The following NXN variants were observed in gnomAD, a reference collection of about 807,000 sequenced individuals.
NXN encodes nucleoredoxin.
A neutral mutation model predicts 48.6 loss-of-function variants in NXN; 16 were observed. The ratio of observed to expected loss-of-function variants is 0.33; its 90% CI spans 0.22 to 0.50. The LOEUF is 0.50. Among genes scored for constraint, NXN ranks in the 20% least tolerant of loss-of-function variants. NXN has a pLI of 0.98. For synonymous variants in NXN, 281 were observed against 269.6 expected (o/e 1.04, Z -0.41); for missense variants, 492 against 605.5 (o/e 0.81, Z 1.97).
At chr17:853,723 A>ATATATATATATATATATATATATTT (rs1491528474) in intron 1 of NXN, among the ~76,000 whole-genome samples, 5 of 105,972 alleles carry the variant, frequency 4.7e-5, no homozygotes, top group African/African-American at 1.3e-4. Flanking sequence ...ATATATATAT[A>ATATATATATATATATATATATATTT]TTTTTTTTTT....
At chr17:963,212 C>T (rs1351499615) in intron 1 of NXN, among the ~76,000 whole-genome samples, 4 of 146,578 alleles carry the variant, frequency 2.7e-5, no homozygotes, top group Admixed American at 6.8e-5. Flanking sequence ...GGTACTGGGA[C>T]GGACACACAC....
intron 1 of NXN, among the ~76,000 whole-genome samples, chr17:964,358 T>G (rs2069277514): frequency 6.6e-6 from 1 of 152,176 alleles, no homozygotes; most frequent in Admixed American, 6.6e-5. Context: ...TGTCACTAAT[T>G]TCTTCACAAG....
intron 1 of NXN, among the ~76,000 whole-genome samples, chr17:869,977 G>A (rs551206853): frequency 2.4e-4 from 36 of 152,274 alleles, no homozygotes; most frequent in South Asian, 2.3e-3. Context: ...GTTTTCAACC[G>A]GGGGGTGGTT....
chr17:948,722 C>A (rs374050646), intron 1 of NXN, among the ~76,000 whole-genome samples: 159 of 152,042 alleles, frequency 1.0e-3, no homozygotes, highest in African/African-American at 3.7e-3. Flanking sequence ...CCGTCCCGCC[C>A]CAGCGCTCGG....
intron 1 of NXN, among the ~76,000 whole-genome samples, chr17:867,409 A>G (rs966774346): frequency 4.6e-5 from 7 of 151,198 alleles, no homozygotes; most frequent in Non-Finnish European, 7.4e-5. Context: ...GGGGTTCTCC[A>G]GGGAATTCTT....
chr17:913,934 C>G (rs1286775235), intron 1 of NXN, among the ~76,000 whole-genome samples: 2 of 152,170 alleles, frequency 1.3e-5, no homozygotes, highest in Non-Finnish European at 2.9e-5. Context: ...GAGTCTCGCC[C>G]TGTCGCCCAG....
At chr17:868,940 C>T (rs529870235) in intron 1 of NXN, among the ~76,000 whole-genome samples, 4 of 152,340 alleles carry the variant, frequency 2.6e-5, no homozygotes, top group South Asian at 2.1e-4. Context: ...GAAATCCCTG[C>T]AGCCAGAGAA....
Position 934,128 on chromosome 17 carries a change from G to A in NXN, c.360+45191C>T, listed in dbSNP as rs576999534. 3.9e-5 allele frequency among the ~76,000 whole-genome samples: 6 copies of A among 152,256 alleles called. No homozygotes were observed. The South Asian group carries it at 1.0e-3, about 26-fold the overall frequency. On this transcript the variant is annotated intron_variant, in intron 1 of 7. Transcript: ENST00000336868. Reference sequence around the variant, plus strand: ...AGAAAGTACAATAAGAAGGCCAGGCGCCGTGGCTCACGTCTGTAATCCCAG... The same window carrying A: ...AGAAAGTACAATAAGAAGGCCAGGCACCGTGGCTCACGTCTGTAATCCCAG...
chr17:849,316 T>C lies in NXN; in HGVS notation c.361-23238A>G, dbSNP rs2067898472. ...GGGAGGCCGAGACAGGTGGGTCACCTGAGGTCAGGAGTTAGAGACCACCCT... is the reference window on the plus strand; with the variant it reads ...GGGAGGCCGAGACAGGTGGGTCACCCGAGGTCAGGAGTTAGAGACCACCCT... On this transcript the variant is annotated intron_variant, in intron 1 of 7. Coordinates refer to ENST00000336868, the MANE Select transcript of NXN (RefSeq NM_022463.5). The surrounding 1 kb of genome is among the most constrained non-coding windows in gnomAD (Gnocchi z 4.2). Among the ~76,000 whole-genome samples the C allele has an allele frequency of 6.6e-6, 1 of 152,154 alleles. No homozygotes were observed. Among genetic ancestry groups the C allele is most frequent in the Non-Finnish European group, 1.5e-5 (1 of 68,016 alleles).
intron 1 of NXN, among the ~76,000 whole-genome samples, chr17:854,827 C>T (rs1410299008): frequency 1.3e-5 from 2 of 151,752 alleles, no homozygotes; most frequent in African/African-American, 4.8e-5. Context: ...GATGTGGCCG[C>T]AGGCACCTGT....
At chr17:938,126 CAG>C (rs1269217076) in intron 1 of NXN, among the ~76,000 whole-genome samples, 1 of 152,056 alleles carries the variant, frequency 6.6e-6, no homozygotes, top group Non-Finnish European at 1.5e-5. Flanking sequence ...GGTTAAGGGG[CAG>C]AGGCCCCAGG....
chr17:973,323 C>T (rs916068257), intron 1 of NXN, among the ~76,000 whole-genome samples: 1 of 152,198 alleles, frequency 6.6e-6, no homozygotes, highest in Non-Finnish European at 1.5e-5. Context: ...CCATTTCCCA[C>T]GCGAAACAGC....
At chr17:912,782 G>A (rs112849024) in intron 1 of NXN, among the ~76,000 whole-genome samples, 3,161 of 152,038 alleles carry the variant, frequency 0.021, 115 homozygotes, top group African/African-American at 0.072. Flanking sequence ...GTGAAACCCC[G>A]TCTCTACTAA....
At chr17:889,092 C>A (rs2457269) in intron 1 of NXN, among the ~76,000 whole-genome samples, 150,302 of 152,340 alleles carry the variant, frequency 0.99, 74,155 homozygotes, top group East Asian at 1. Flanking sequence ...TGTGGTTAAC[C>A]GATGGATTGT....
chr17:948,197 G>C (rs1168597836), intron 1 of NXN, among the ~76,000 whole-genome samples: 1 of 152,062 alleles, frequency 6.6e-6, no homozygotes, highest in Non-Finnish European at 1.5e-5. Flanking sequence ...CATTGTATTA[G>C]GAATTATAAG....
chr17:961,387 GA>G (rs765525826), intron 1 of NXN, among the ~76,000 whole-genome samples: 42 of 140,546 alleles, frequency 3.0e-4, no homozygotes, highest in Admixed American at 3.5e-4. Context: ...TCCGTCTCAA[GA>G]AAAAAAAAAA....
chr17:957,229 T>C (rs1265701359), intron 1 of NXN, among the ~76,000 whole-genome samples: 1 of 149,870 alleles, frequency 6.7e-6, no homozygotes, highest in East Asian at 2.0e-4. Context: ...ACCACCCCCC[T>C]CCCCCAACAC....
At chr17:916,454 A>C (rs755621374) in intron 1 of NXN, among the ~76,000 whole-genome samples, 6 of 152,236 alleles carry the variant, frequency 3.9e-5, no homozygotes, top group Non-Finnish European at 5.9e-5. Flanking sequence ...AAACTAAAAA[A>C]AAGGAAAATA....
At chr17:913,518 G>C (rs2068656262) in intron 1 of NXN, among the ~76,000 whole-genome samples, 1 of 152,194 alleles carries the variant, frequency 6.6e-6, no homozygotes, top group South Asian at 2.1e-4. Context: ...GGCTGAGAAA[G>C]GAGAGTCGGT....
Sources: allele counts gnomAD v4.1 joint callset (sites outside exome capture counted in the v4.1 genomes callset), GRCh38; gene constraint gnomAD v4.1.1; non-coding constraint Gnocchi (gnomAD v3.1); transcripts MANE v1.5; gene names NCBI Gene and HGNC (gene_info 2026-07-23, HGNC 2026-07-21).